FHAD1: variants seen among roughly 807,000 people sequenced by gnomAD.
The protein encoded by FHAD1 is forkhead associated phosphopeptide binding domain 1.
In FHAD1, 146 loss-of-function variants were observed where a neutral mutation model predicts 191.3. The observed-to-expected ratio is 0.76, with a 90% CI of 0.67 to 0.88. FHAD1 has a LOEUF of 0.88. FHAD1 is among the 40% of genes least tolerant of loss of function. FHAD1 has a pLI of 0.00. For synonymous variants in FHAD1, 616 were observed against 672.3 expected, an observed-to-expected ratio of 0.92 and a Z score of 1.29; for missense variants, 1,635 against 1,785.8, an observed-to-expected ratio of 0.92 and a Z score of 1.52.
rs1008729981 is a variant in FHAD1, at chr1:15,311,933, C to T, written c.1040-1124C>T. Among the ~76,000 whole-genome samples, 2 of 152,164 alleles carry T rather than the reference C, an allele frequency of 1.3e-5. No homozygotes were observed. The highest frequency in any genetic ancestry group is 4.8e-5 in the African/African-American group (2 of 41,438). ...TACTGCTGTCATGTCATCTAAAGCC[C>T]GACTAGGGCTCGAGGATCCCCTTCT... On this transcript the variant is annotated intron_variant, in intron 7 of 33. Transcript: ENST00000688493. This position sits in a 1 kb window ranked among gnomAD's most constrained non-coding sequence, Gnocchi z 4.1.
intron 2 of FHAD1, among the ~76,000 whole-genome samples, chr1:15,258,560 G>C (rs1026687523): frequency 5.3e-5 from 8 of 151,404 alleles, no homozygotes; most frequent in African/African-American, 1.7e-4. Context: ...CTATAAACAT[G>C]AGTGTCCAGA....
intron 3 of FHAD1, among the ~76,000 whole-genome samples, chr1:15,284,849 C>A (rs1448437584): frequency 6.6e-6 from 1 of 151,946 alleles, no homozygotes; most frequent in Non-Finnish European, 1.5e-5. Flanking sequence ...AGGAAAAGCA[C>A]ATGCGGCCTC....
At chr1:15,278,838 TA>T (rs1216359150) in intron 3 of FHAD1, among the ~76,000 whole-genome samples, 1 of 152,214 alleles carries the variant, frequency 6.6e-6, no homozygotes, top group Admixed American at 6.5e-5. Flanking sequence ...TATATAGTAA[TA>T]TAATCATATT....
At chr1:15,240,408 C>T (rs1645210218) in intron 1 of FHAD1, among the ~76,000 whole-genome samples, 1 of 151,938 alleles carries the variant, frequency 6.6e-6, no homozygotes, top group Non-Finnish European at 1.5e-5. Flanking sequence ...GTGGGAGGAT[C>T]GCTTGAGCCC....
rs996835210 is a variant in FHAD1 at position 15,272,303 on chromosome 1, GTCC to G, written c.94-15_94-13del. On this transcript the variant is annotated splice_polypyrimidine_tract_variant and intron_variant, in intron 2 of 33. Transcript: ENST00000688493. ...CATTTTTGTTTTCATGGCTACGACT[GTCC>G]TCCTTCTCCGTTGCAGTCTCCTGAC... The G allele has an allele frequency of 1.2e-5, 18 of 1,543,388 alleles. No individual in the cohort carries two copies. In the Admixed American group the frequency reaches 1.2e-4, roughly 10 times the overall value.
Position 15,272,434 on chromosome 1 carries a change from A to G in FHAD1, c.205A>G (p.Ile69Val), listed in dbSNP as rs1015166889. 8.4e-6 allele frequency: 13 copies of G among 1,551,574 alleles called. No homozygotes were observed. In the African/African-American group the frequency reaches 1.6e-4, roughly 20 times the overall value. The change falls in exon 3 of 34, where the codon ATT becomes GTT. Residue 69 changes from isoleucine to valine, a missense_variant. Transcript: ENST00000688493. ...RNGTFVNECH[I>V]QNVAVKLIPG... is the part of the protein sequence containing the mutation. ...CGGCACGTTTGTCAACGAGTGCCAC[A>G]TTCAAAACGTGGCTGTGAAGCTCAT...
intron 33 of FHAD1, among the ~76,000 whole-genome samples, chr1:15,396,034 G>A (rs1326354913): frequency 6.6e-6 from 1 of 152,192 alleles, no homozygotes; most frequent in Non-Finnish European, 1.5e-5. Context: ...AAGGGACCAG[G>A]CTTGGTGGCT....
chr1:15,254,199 G>C (rs1647132751), intron 2 of FHAD1, among the ~76,000 whole-genome samples: 1 of 152,132 alleles, frequency 6.6e-6, no homozygotes, highest in Non-Finnish European at 1.5e-5. Flanking sequence ...GGGTGGCCAA[G>C]GTAGAAACAG....
chr1:15,372,293 G>T (rs1698327249), intron 26 of FHAD1, among the ~76,000 whole-genome samples: 1 of 152,212 alleles, frequency 6.6e-6, no homozygotes. Context: ...CCCCTTGTAG[G>T]AGGCCACGGG....
At chr1:15,265,988 A>AGAG (rs1394316930) in intron 2 of FHAD1, among the ~76,000 whole-genome samples, 1 of 147,746 alleles carries the variant, frequency 6.8e-6, no homozygotes, top group East Asian at 2.0e-4. Context: ...AAAAAAAAAA[A>AGAG]AGAGAGAGAG....
Position 15,295,650 on chromosome 1 carries a change from C to T in FHAD1, c.569-1034C>T, listed in dbSNP as rs537860879. 1.7e-3 allele frequency among the ~76,000 whole-genome samples: 260 copies of T among 150,068 alleles called. 1 individual carries two copies. The highest frequency in any genetic ancestry group is 6.2e-3 in the African/African-American group (246 of 39,674). Reference sequence around the variant, plus strand: ...CTCTCTAAACATATATATATATATACACACATACTCATACATATATATTTT... The same window carrying T: ...CTCTCTAAACATATATATATATATATACACATACTCATACATATATATTTT... On this transcript the variant is annotated intron_variant, in intron 4 of 33. Transcript: ENST00000688493.
intron 23 of FHAD1, among the ~76,000 whole-genome samples, chr1:15,364,984 C>G (rs1000794864): frequency 1.3e-5 from 2 of 152,220 alleles, no homozygotes; most frequent in African/African-American, 4.8e-5. Context: ...GTCCCATCAC[C>G]ATCACTGTCC....
upstream of FHAD1, among the ~76,000 whole-genome samples, chr1:15,242,992 A>C (rs149221041): frequency 1.3e-5 from 2 of 152,340 alleles, no homozygotes; most frequent in East Asian, 3.9e-4. Flanking sequence ...AACCAGGCCC[A>C]GGACAGGTGG....
chr1:15,329,130 C>T lies in FHAD1; in HGVS notation c.1711-216C>T, dbSNP rs1397613090. ...GGTTTCATAGACCTAAAAGGGGGTT[C>T]GCTTTGACCATCAAAAGTCCAAATT... On this transcript the variant is annotated intron_variant, in intron 13 of 33. Transcript: ENST00000688493. This position sits in a 1 kb window ranked among gnomAD's most constrained non-coding sequence, Gnocchi z 5.0. 1.7e-5 allele frequency: 7 copies of T among 419,640 alleles called. No individual in the cohort carries two copies. The highest frequency in any genetic ancestry group is 3.5e-5 in the East Asian group (1 of 28,834). The allele number at this position is 419,640 out of a possible 1,614,324, so 26.0% of individuals were successfully genotyped here.
At chr1:15,402,492 G>A, downstream of FHAD1, among the ~76,000 whole-genome samples, 1 of 152,194 alleles carries the variant, frequency 6.6e-6, no homozygotes, top group Middle Eastern at 3.2e-3. Flanking sequence ...GATTGCTGCT[G>A]GGCGTTCTTT....
chr1:15,275,976 C>T (rs1658219566), intron 3 of FHAD1, among the ~76,000 whole-genome samples: 4 of 152,212 alleles, frequency 2.6e-5, no homozygotes, highest in Admixed American at 1.3e-4. Flanking sequence ...CAGAGAGGGA[C>T]GTGACAGCCA....
chr1:15,341,742 T>G lies in FHAD1; in HGVS notation c.1984T>G (p.Phe662Val). 1 of 1,550,060 alleles carries G rather than the reference T, an allele frequency of 6.5e-7. No homozygotes were observed. The highest frequency in any genetic ancestry group is 8.7e-7 in the Non-Finnish European group (1 of 1,146,188). ...MSQAQELQIK[F>V]NSSQETQQSL... Reference sequence around the variant, plus strand: ...TACTTTTCTCACATTTCAGATCAAGTTCAACAGTTCTCAGGAAACTCAGCA... The same window carrying G: ...TACTTTTCTCACATTTCAGATCAAGGTCAACAGTTCTCAGGAAACTCAGCA... Residue 662 changes from phenylalanine (F) to valine (V), a missense_variant, in exon 16 of 34, where the codon TTC becomes GTC. Phe to Val is a conservative substitution (Grantham distance 50). Transcript: ENST00000688493.
intron 16 of FHAD1, 121 bp from the exon 17 acceptor site, chr1:15,344,962 G>T: frequency 1.3e-6 from 1 of 741,282 alleles, no homozygotes. Context: ...AGGCTCTGCT[G>T]CCCACAGCCT....
intron 23 of FHAD1, among the ~76,000 whole-genome samples, chr1:15,365,158 A>G (rs919417364): frequency 1.3e-5 from 2 of 152,202 alleles, no homozygotes; most frequent in Non-Finnish European, 2.9e-5. Context: ...CCTGTCCCCA[A>G]AGAATCCCTG....
Sources: allele counts gnomAD v4.1 joint callset (sites outside exome capture counted in the v4.1 genomes callset), GRCh38; gene constraint gnomAD v4.1.1; non-coding constraint Gnocchi (gnomAD v3.1); transcripts MANE v1.5; gene names NCBI Gene and HGNC (gene_info 2026-07-23, HGNC 2026-07-21).